Variants in LARGE1 observed in about 807,000 individuals in gnomAD.
The protein encoded by LARGE1 is LARGE xylosyl- and glucuronyltransferase 1.
Under a neutral mutation model 87.6 loss-of-function variants are expected in LARGE1, and 43 were observed. The ratio of observed to expected loss-of-function variants is 0.49; its 90% CI spans 0.38 to 0.63. The LOEUF (loss-of-function observed/expected upper bound fraction) is 0.63, where lower values mean the gene tolerates loss of function less well. Among genes scored for constraint, LARGE1 ranks in the 30% least tolerant of loss-of-function variants. The pLI is 0.00. For synonymous variants in LARGE1, 434 were observed against 394.6 expected, an observed-to-expected ratio of 1.10 and a Z score of -1.18; for missense variants, 802 against 1,000.2, an observed-to-expected ratio of 0.80 and a Z score of 2.67.
At chr22:33,465,973 C>T (rs1399957111) in intron 6 of LARGE1, among the ~76,000 whole-genome samples, 1 of 152,164 alleles carries the variant, frequency 6.6e-6, no homozygotes, top group African/African-American at 2.4e-5. Flanking sequence ...ACGTCTTCTC[C>T]CATCCAGTTC....
chr22:33,177,208 G>A (rs1328512612), intron 11 of LARGE1, among the ~76,000 whole-genome samples: 1 of 152,108 alleles, frequency 6.6e-6, no homozygotes, highest in Non-Finnish European at 1.5e-5. Flanking sequence ...TAATGTAGAT[G>A]ATGGGTTGAT....
chr22:33,618,537 G>A (rs982668523), intron 4 of LARGE1, among the ~76,000 whole-genome samples: 7 of 152,132 alleles, frequency 4.6e-5, no homozygotes, highest in African/African-American at 9.7e-5. Flanking sequence ...ATATTTATGG[G>A]TATGACCAAA....
chr22:33,069,917 C>T, the LARGE1 span, among the ~76,000 whole-genome samples: 1 of 151,886 alleles, frequency 6.6e-6, no homozygotes, highest in African/African-American at 2.4e-5. Context: ...CTCCACCTCC[C>T]AGGTTCAAAC....
At chr22:33,485,558 A>C (rs2069538575) in intron 6 of LARGE1, among the ~76,000 whole-genome samples, 1 of 152,226 alleles carries the variant, frequency 6.6e-6, no homozygotes, top group Non-Finnish European at 1.5e-5. Context: ...AAATATGCAA[A>C]CTAGAAATAA....
At chr22:33,250,739 T>C (rs948515209) in intron 11 of LARGE1, among the ~76,000 whole-genome samples, 8 of 152,234 alleles carry the variant, frequency 5.3e-5, no homozygotes, top group African/African-American at 1.7e-4. Flanking sequence ...CAAATGCCTG[T>C]TATTCATCTA....
At chr22:33,345,623 G>A (rs937118276) in intron 9 of LARGE1, among the ~76,000 whole-genome samples, 6 of 152,150 alleles carry the variant, frequency 3.9e-5, no homozygotes, top group South Asian at 2.1e-4. Context: ...TATATGTGCC[G>A]ACTTGGAGTC....
chr22:33,094,538 C>T, the LARGE1 span, among the ~76,000 whole-genome samples: 1 of 152,158 alleles, frequency 6.6e-6, no homozygotes, highest in Admixed American at 6.5e-5. Flanking sequence ...ACCTCCAGTC[C>T]TTTGCATTTG....
downstream of LARGE1, chr22:33,162,155 T>C (rs1313001668): frequency 6.6e-6 from 1 of 152,234 alleles, no homozygotes; most frequent in Non-Finnish European, 1.5e-5. Flanking sequence ...ACTCTCATTA[T>C]AATGAGATAA....
intron 11 of LARGE1, among the ~76,000 whole-genome samples, chr22:33,178,730 C>A (rs193067786): frequency 4.6e-5 from 7 of 152,098 alleles, no homozygotes; most frequent in African/African-American, 1.4e-4. Flanking sequence ...TTCTAGTATA[C>A]CAATGTGAAT....
intron 7 of LARGE1, among the ~76,000 whole-genome samples, chr22:33,387,085 C>T (rs1212660078): frequency 1.4e-5 from 2 of 146,750 alleles, no homozygotes; most frequent in Non-Finnish European, 3.0e-5. Context: ...GCCTAGGTAA[C>T]TGAGCAAGAC....
At chr22:33,377,770 T>C (rs78665288) in intron 9 of LARGE1, among the ~76,000 whole-genome samples, 14,646 of 152,248 alleles carry the variant, frequency 0.096, 922 homozygotes, top group South Asian at 0.25. Context: ...TCATTCTGTG[T>C]TGCATCTTGG....
intron 1 of LARGE1, among the ~76,000 whole-genome samples, chr22:33,862,238 A>G (rs1371562771): frequency 6.6e-6 from 1 of 152,070 alleles, no homozygotes; most frequent in Admixed American, 6.5e-5. Flanking sequence ...AGCTACACAA[A>G]CCCCTGGGAA....
At chr22:33,299,630 G>A (rs946456810) in intron 12 of LARGE1, among the ~76,000 whole-genome samples, 1 of 152,168 alleles carries the variant, frequency 6.6e-6, no homozygotes, top group Non-Finnish European at 1.5e-5. Flanking sequence ...CCAAGGGGCA[G>A]AAAATGAACT....
downstream of LARGE1, among the ~76,000 whole-genome samples, chr22:33,272,457 A>G (rs1568999043): frequency 6.6e-6 from 1 of 152,144 alleles, no homozygotes; most frequent in Non-Finnish European, 1.5e-5. Context: ...CCTTGTGAGC[A>G]TGTAGAAGCT....
chr22:33,753,398 C>G (rs2084394880), intron 2 of LARGE1, among the ~76,000 whole-genome samples: 1 of 152,110 alleles, frequency 6.6e-6, no homozygotes, highest in South Asian at 2.1e-4. Flanking sequence ...AGCGGGCAGC[C>G]TCAAGAAGCT....
intron 3 of LARGE1, among the ~76,000 whole-genome samples, chr22:33,631,702 G>T (rs1298487245): frequency 2.0e-5 from 3 of 152,070 alleles, no homozygotes; most frequent in Admixed American, 2.0e-4. Context: ...TAAGTAGAAG[G>T]AATACACTAA....
chr22:33,466,268 T>G (rs768158453), intron 6 of LARGE1, among the ~76,000 whole-genome samples: 2 of 152,110 alleles, frequency 1.3e-5, no homozygotes, highest in Admixed American at 6.5e-5. Flanking sequence ...TTCATGTCCC[T>G]CTCTCCGAAG....
intron 7 of LARGE1, among the ~76,000 whole-genome samples, chr22:33,415,189 G>T (rs1015200626): frequency 1.6e-4 from 25 of 152,218 alleles, no homozygotes; most frequent in African/African-American, 5.8e-4. Context: ...GACAACTGCA[G>T]GGGAGGCCCA....
intron 1 of LARGE1, among the ~76,000 whole-genome samples, chr22:33,830,339 C>T (rs1206424046): frequency 6.6e-6 from 1 of 152,112 alleles, no homozygotes; most frequent in Non-Finnish European, 1.5e-5. Flanking sequence ...ATGCAGATGC[C>T]GAGGCAAAGG....
Sources: gnomAD v4.1 joint callset for allele counts (sites outside exome capture counted in the v4.1 genomes callset) on GRCh38, gnomAD v4.1.1 for gene constraint, MANE v1.5 for transcripts, NCBI Gene and HGNC (gene_info 2026-07-23, HGNC 2026-07-21) for gene names.